SCIN: variants seen among roughly 807,000 people sequenced by gnomAD.
SCIN encodes adseverin.
A neutral mutation model predicts 91.8 loss-of-function variants in SCIN; 91 were observed. The ratio of observed to expected loss-of-function variants is 0.99; its 90% CI spans 0.84 to 1.18. SCIN has a LOEUF of 1.18. Ranked by LOEUF, SCIN falls within the 50% of genes most tolerant of loss-of-function variation. The pLI, the probability that SCIN is intolerant of heterozygous loss-of-function variation, is 0.00. For synonymous variants in SCIN, 367 were observed against 312.6 expected (o/e 1.17, Z -1.84); for missense variants, 1,087 against 863.9 (o/e 1.26, Z -3.24).
chr7:12,587,773 A>T (rs1188064519), intron 3 of SCIN, among the ~76,000 whole-genome samples: 3 of 152,146 alleles, frequency 2.0e-5, no homozygotes, highest in Non-Finnish European at 4.4e-5. Flanking sequence ...CTTCTCAAAG[A>T]TTGATTGCTT....
At chr7:12,618,084 T>G (rs943179049) in intron 4 of SCIN, among the ~76,000 whole-genome samples, 2 of 152,148 alleles carry the variant, frequency 1.3e-5, no homozygotes, top group Admixed American at 6.6e-5. Context: ...TCCTGCCTGA[T>G]AAGTTCCCCA....
chr7:12,600,719 T>C (rs559348544), intron 3 of SCIN, among the ~76,000 whole-genome samples: 1 of 152,304 alleles, frequency 6.6e-6, no homozygotes, highest in South Asian at 2.1e-4. Flanking sequence ...TACATCACAC[T>C]TGGCACACAC....
chr7:12,646,402 C>CT (rs146627163), intron 13 of SCIN, among the ~76,000 whole-genome samples: 3,699 of 152,262 alleles, frequency 0.024, 64 homozygotes, highest in Non-Finnish European at 0.038. Context: ...CTTATAAAGA[C>CT]AGACACTAAG....
intron 4 of SCIN, among the ~76,000 whole-genome samples, chr7:12,615,863 C>G (rs10258985): frequency 0.062 from 9,474 of 152,030 alleles, 1,010 homozygotes; most frequent in African/African-American, 0.22. Context: ...AAAGTTTTCC[C>G]AACTCCCTTG....
rs1194164967 is a variant in SCIN at position 12,657,918 on chromosome 7, A to G, written c.*5203A>G. On this transcript the variant is annotated 3_prime_UTR_variant, in exon 16 of 16. Coordinates refer to ENST00000297029, the MANE Select transcript of SCIN (RefSeq NM_001112706.3). ...GTAGTCATATTTCCTGTTGCCTATA[A>G]AAAATTGATGCTTTAATTTAGTTAA... The G allele has an allele frequency of 2.0e-5, 3 of 152,112 alleles. No homozygotes were observed. The East Asian group carries it at 5.8e-4, about 29-fold the overall frequency. The allele number at this position is 152,112 out of a possible 1,614,324, so 9.4% of individuals were successfully genotyped here.
In SCIN at chr7:12,605,372, G is replaced by A. The variant is rs536371917; in HGVS notation, c.666+709G>A. On this transcript the variant is annotated intron_variant, in intron 4 of 15. Coordinates refer to ENST00000297029, the MANE Select transcript of SCIN (RefSeq NM_001112706.3). ...CCTTCTCAGGGTTTTTTTCAAACAC[G>A]GTGGTTTTCTTCAATTTTAAAATTA... is the stretch of plus-strand genomic sequence containing the variant. Among the ~76,000 whole-genome samples, 14 of 152,164 alleles carry A rather than the reference G, an allele frequency of 9.2e-5. No homozygotes were observed. The South Asian group carries it at 2.7e-3, about 29-fold the overall frequency.
intron 8 of SCIN, among the ~76,000 whole-genome samples, chr7:12,628,088 G>C (rs1276619024): frequency 6.6e-6 from 1 of 151,758 alleles, no homozygotes; most frequent in African/African-American, 2.4e-5. Flanking sequence ...TACACACACA[G>C]TGCCTGGCAG....
chr7:12,638,402 A>G (rs1404575222), intron 10 of SCIN, among the ~76,000 whole-genome samples: 3 of 152,150 alleles, frequency 2.0e-5, no homozygotes, highest in African/African-American at 7.2e-5. Context: ...TCTGGTGGGA[A>G]AAGCATCTTA....
chr7:12,616,507 T>G (rs1783302068), intron 4 of SCIN, among the ~76,000 whole-genome samples: 1 of 152,140 alleles, frequency 6.6e-6, no homozygotes, highest in Non-Finnish European at 1.5e-5. Flanking sequence ...ATAAATTTAT[T>G]TTCTTTATAG....
At position 12,615,055 on chromosome 7, in the gene SCIN, C is replaced by A. The variant is rs560425900; in HGVS notation, c.667-7746C>A. 1.5e-3 allele frequency among the ~76,000 whole-genome samples: 228 copies of A among 152,282 alleles called. 1 individual carries two copies. Among genetic ancestry groups the A allele is most frequent in the Non-Finnish European group, 2.7e-3 (183 of 68,016 alleles). ...AAGAAATCTGTGGATCACACCCAAA[C>A]TGTCTTTCTTACAGACACTGCGATC... On this transcript the variant is annotated intron_variant, in intron 4 of 15. Transcript: ENST00000297029.
intron 3 of SCIN, among the ~76,000 whole-genome samples, chr7:12,601,061 C>A (rs947783113): frequency 1.3e-5 from 2 of 152,128 alleles, no homozygotes; most frequent in African/African-American, 4.8e-5. Flanking sequence ...ACCCTTTGAC[C>A]ATACTAAATA....
In SCIN at chr7:12,659,582, G is replaced by T. The variant is rs1784225762; in HGVS notation, c.*6867G>T. 1 of 152,298 alleles carries T rather than the reference G, an allele frequency of 6.6e-6. No homozygotes were observed. The highest frequency in any genetic ancestry group is 1.5e-5 in the Non-Finnish European group (1 of 68,102). The allele number at this position is 152,298 out of a possible 1,614,324, so 9.4% of individuals were successfully genotyped here. A position where few individuals can be genotyped will look rare whatever the true frequency, so the allele number is the denominator to read the frequency against. ...GTATATCCATGGTCATCCAGGGGAAGAAAATGGCGTACATAACTTATATAC... is the reference window on the plus strand; with the variant it reads ...GTATATCCATGGTCATCCAGGGGAATAAAATGGCGTACATAACTTATATAC... On this transcript the variant is annotated 3_prime_UTR_variant, in exon 16 of 16. Transcript: ENST00000297029.
intron 9 of SCIN, among the ~76,000 whole-genome samples, chr7:12,634,580 A>C (rs1372882498): frequency 6.6e-6 from 1 of 152,236 alleles, no homozygotes; most frequent in African/African-American, 2.4e-5. Context: ...TAACTTTCAA[A>C]GTCTAAATCC....
At chr7:12,615,531 C>G (rs1309322633) in intron 4 of SCIN, among the ~76,000 whole-genome samples, 1 of 152,118 alleles carries the variant, frequency 6.6e-6, no homozygotes, top group African/African-American at 2.4e-5. Context: ...AACGGAGAGT[C>G]AATTAAACCT....
chr7:12,630,167 G>T (rs796355156), intron 9 of SCIN, among the ~76,000 whole-genome samples: 3 of 151,702 alleles, frequency 2.0e-5, no homozygotes, highest in African/African-American at 7.3e-5. Context: ...CATCCCCATA[G>T]TCTGGTCATC....
chr7:12,593,463 G>A (rs117656273), intron 3 of SCIN, among the ~76,000 whole-genome samples: 1,782 of 152,138 alleles, frequency 0.012, 22 homozygotes, highest in African/African-American at 0.03. Context: ...TCCTACATAT[G>A]TAACAAACCT....
chr7:12,615,945 A>G (rs1322653078), intron 4 of SCIN, among the ~76,000 whole-genome samples: 1 of 152,154 alleles, frequency 6.6e-6, no homozygotes, highest in Non-Finnish European at 1.5e-5. Context: ...CTTTTCCTCA[A>G]AGGATAAGAT....
intron 10 of SCIN, among the ~76,000 whole-genome samples, chr7:12,639,503 G>A (rs1783815891): frequency 6.6e-6 from 1 of 152,076 alleles, no homozygotes; most frequent in Admixed American, 6.6e-5. Context: ...TTTAGCACAG[G>A]GCAGAACAAA....
In SCIN at chr7:12,581,199, G is replaced by T. The variant is rs748906715; in HGVS notation, c.494G>T (p.Cys165Phe). The T allele has an allele frequency of 1.3e-6, 2 of 1,551,428 alleles. No individual in the cohort carries two copies. The highest frequency in any genetic ancestry group is 8.7e-7 in the Non-Finnish European group (1 of 1,146,782). Reference sequence around the variant, plus strand: ...TGGGACAGTTTCAACAAGGGTGACTGCTTCATCATTGACCTTGGCACCGTA... The same window carrying T: ...TGGGACAGTTTCAACAAGGGTGACTTCTTCATCATTGACCTTGGCACCGTA... ...LSWDSFNKGDCFIIDLGTEIY... is the reference protein window; with the variant it reads ...LSWDSFNKGDFFIIDLGTEIY... Residue 165 changes from cysteine to phenylalanine, a missense_variant, in exon 3 of 16, where the codon TGC becomes TTC. Transcript: ENST00000297029.
Sources: gnomAD v4.1 joint callset for allele counts (sites outside exome capture counted in the v4.1 genomes callset) on GRCh38, gnomAD v4.1.1 for gene constraint, MANE v1.5 for transcripts, NCBI Gene and HGNC (gene_info 2026-07-23, HGNC 2026-07-21) for gene names.